Variants in MYRIP observed in about 807,000 individuals in gnomAD.
The protein encoded by MYRIP is myosin VIIA and Rab interacting protein.
Under a neutral mutation model 98.0 loss-of-function variants are expected in MYRIP, and 49 were observed. The observed-to-expected ratio is 0.50, with a 90% CI of 0.40 to 0.63. The LOEUF (loss-of-function observed/expected upper bound fraction) is 0.63, where lower values mean the gene tolerates loss of function less well. MYRIP is among the 30% of genes least tolerant of loss of function. MYRIP has a pLI of 0.00. For missense variants in MYRIP, 1,004 were observed against 1,058.2 expected, an observed-to-expected ratio of 0.95 and a Z score of 0.71; for synonymous variants, 404 against 409.5, an observed-to-expected ratio of 0.99 and a Z score of 0.16.
intron 2 of MYRIP, among the ~76,000 whole-genome samples, chr3:39,936,622 C>T (rs1455472747): frequency 6.6e-6 from 1 of 152,154 alleles, no homozygotes; most frequent in Non-Finnish European, 1.5e-5. Context: ...CTCAGGGAGA[C>T]ACTGTCACAG....
At position 39,822,545 on chromosome 3, in the gene MYRIP, G is replaced by A. The variant is rs184211594; in HGVS notation, c.-31+12629G>A. On this transcript the variant is annotated intron_variant, in intron 1 of 16. Coordinates refer to ENST00000302541, the MANE Select transcript of MYRIP (RefSeq NM_015460.4). ...CCAAGACAATTCTTCTTCCAATATGGCCCAAGGAAGCCAAAAGATTGGATA... is the reference window on the plus strand; with the variant it reads ...CCAAGACAATTCTTCTTCCAATATGACCCAAGGAAGCCAAAAGATTGGATA... 4.6e-5 allele frequency among the ~76,000 whole-genome samples: 7 copies of A among 151,940 alleles called. No individual in the cohort carries two copies. In the East Asian group the frequency reaches 1.2e-3, roughly 25 times the overall value.
chr3:40,212,162 A>ACATATATATACGTGTATGTG lies in MYRIP; in HGVS notation c.1905+2069_1905+2070insCATATATATACGTGTATGTG, dbSNP rs1951961015. On this transcript the variant is annotated intron_variant, in intron 11 of 16. Transcript: ENST00000302541. Reference sequence around the variant, plus strand: ...TATATACATATATATACGTGTATATATATATACATATATATACGTGTATGT... The same window carrying ACATATATATACGTGTATGTG: ...TATATACATATATATACGTGTATATACATATATATACGTGTATGTGTATATACATATATATACGTGTATGT... Among the ~76,000 whole-genome samples, 2 of 9,748 alleles carry ACATATATATACGTGTATGTG rather than the reference A, an allele frequency of 2.1e-4. 1 individual carries two copies. The highest frequency in any genetic ancestry group is 8.3e-4 in the Non-Finnish European group (2 of 2,422). 6.4% of individuals were successfully genotyped at this position (9,748 alleles called of 152,430 possible). A position where few individuals can be genotyped will look rare whatever the true frequency, so the allele number is the denominator to read the frequency against.
chr3:39,997,512 T>C (rs1220866540), intron 2 of MYRIP, among the ~76,000 whole-genome samples: 1 of 152,108 alleles, frequency 6.6e-6, no homozygotes, highest in Non-Finnish European at 1.5e-5. Context: ...AATAAACCAA[T>C]AACAGGCTCT....
chr3:40,215,996 A>G (rs1952108170), intron 11 of MYRIP, among the ~76,000 whole-genome samples: 1 of 152,098 alleles, frequency 6.6e-6, no homozygotes. Context: ...CATTCCCACA[A>G]CTGTGTCCTA....
At chr3:40,024,010 T>A (rs1947065486) in intron 2 of MYRIP, among the ~76,000 whole-genome samples, 1 of 152,134 alleles carries the variant, frequency 6.6e-6, no homozygotes. Context: ...TATGTGAGAC[T>A]AAACACAAAG....
intron 2 of MYRIP, among the ~76,000 whole-genome samples, chr3:39,935,958 TA>T (rs71618916): frequency 0.21 from 31,616 of 152,104 alleles, 5,066 homozygotes; most frequent in African/African-American, 0.45. Flanking sequence ...TTTGAAATAT[TA>T]AAAAATTTCA....
At chr3:39,837,932 A>T (rs1276383318) in intron 1 of MYRIP, among the ~76,000 whole-genome samples, 3 of 152,168 alleles carry the variant, frequency 2.0e-5, no homozygotes, top group African/African-American at 7.2e-5. Flanking sequence ...GGTCCTTCGC[A>T]TCCCTTGTAA....
intron 3 of MYRIP, among the ~76,000 whole-genome samples, chr3:40,132,318 T>A (rs9834531): frequency 0.35 from 53,521 of 152,040 alleles, 10,006 homozygotes; most frequent in South Asian, 0.55. Context: ...ACCAGTTGCC[T>A]CCTAAGAAGT....
intron 10 of MYRIP, among the ~76,000 whole-genome samples, chr3:40,201,016 G>A (rs1559449277): frequency 2.6e-5 from 4 of 152,184 alleles, no homozygotes; most frequent in African/African-American, 9.7e-5. Context: ...AACAGTTGTG[G>A]CCAGTATGAA....
At chr3:40,222,794 A>T (rs773685856) in intron 11 of MYRIP, among the ~76,000 whole-genome samples, 4 of 152,256 alleles carry the variant, frequency 2.6e-5, no homozygotes, top group Non-Finnish European at 4.4e-5. Flanking sequence ...ACAAGAATAT[A>T]GCAATCTTGA....
At chr3:39,913,271 CTGCTT>C (rs1401735640) in intron 2 of MYRIP, among the ~76,000 whole-genome samples, 1 of 152,134 alleles carries the variant, frequency 6.6e-6, no homozygotes, top group Non-Finnish European at 1.5e-5. Flanking sequence ...ATTTGCTTCT[CTGCTT>C]AGAGGATAGG....
intron 3 of MYRIP, among the ~76,000 whole-genome samples, chr3:40,053,615 T>A (rs935654810): frequency 6.6e-6 from 1 of 151,906 alleles, no homozygotes; most frequent in African/African-American, 2.4e-5. Flanking sequence ...GCCAGGGAAG[T>A]CTGAAACTTG....
chr3:40,176,306 C>T (rs890376520), intron 8 of MYRIP, among the ~76,000 whole-genome samples: 1 of 152,214 alleles, frequency 6.6e-6, no homozygotes, highest in African/African-American at 2.4e-5. Context: ...ACACTGGCCA[C>T]ATTTCAAGTG....
At chr3:40,049,012 A>G (rs945178269) in intron 3 of MYRIP, among the ~76,000 whole-genome samples, 1 of 152,176 alleles carries the variant, frequency 6.6e-6, no homozygotes, top group Non-Finnish European at 1.5e-5. Context: ...CTTCTTCAGG[A>G]AGCAAAACTT....
At chr3:39,893,358 A>G (rs571151946) in intron 1 of MYRIP, among the ~76,000 whole-genome samples, 153 of 152,304 alleles carry the variant, frequency 1.0e-3, no homozygotes, top group Non-Finnish European at 1.5e-3. Context: ...AGTTGATGCT[A>G]ATGGAGTAGC....
intron 9 of MYRIP, among the ~76,000 whole-genome samples, chr3:40,186,247 A>G (rs1013919296): frequency 6.6e-6 from 1 of 152,124 alleles, no homozygotes; most frequent in African/African-American, 2.4e-5. Flanking sequence ...CTTTCTTCTC[A>G]GAGTGAGTGC....
chr3:40,067,469 C>T (rs1304071841), intron 3 of MYRIP, among the ~76,000 whole-genome samples: 1 of 152,136 alleles, frequency 6.6e-6, no homozygotes, highest in African/African-American at 2.4e-5. Context: ...GGCCAGGCAT[C>T]CTGCAGTATG....
chr3:39,866,530 G>T (rs1312691547), intron 1 of MYRIP, among the ~76,000 whole-genome samples: 2 of 152,050 alleles, frequency 1.3e-5, no homozygotes, highest in Non-Finnish European at 2.9e-5. Flanking sequence ...GGGTGTAATG[G>T]TGTGATCTCA....
intron 2 of MYRIP, among the ~76,000 whole-genome samples, chr3:39,979,127 C>A (rs928890031): frequency 2.6e-5 from 4 of 152,034 alleles, no homozygotes; most frequent in Admixed American, 6.6e-5. Flanking sequence ...GAAGCACCAA[C>A]CCAGTTTTGT....
Sources: gnomAD v4.1 joint callset for allele counts (sites outside exome capture counted in the v4.1 genomes callset) on GRCh38, gnomAD v4.1.1 for gene constraint, MANE v1.5 for transcripts, NCBI Gene and HGNC (gene_info 2026-07-23, HGNC 2026-07-21) for gene names.